Variants in ARID5A observed in about 807,000 individuals in gnomAD.
ARID5A encodes AT-rich interactive domain-containing protein 5A.
ARID5A carries 14 observed loss-of-function variants against 30.5 expected under a neutral mutation model. The ratio of observed to expected loss-of-function variants is 0.46; its 90% CI spans 0.30 to 0.72. The LOEUF (loss-of-function observed/expected upper bound fraction) is 0.72, where lower values mean the gene tolerates loss of function less well. Ranked by LOEUF, ARID5A falls within the 30% of genes least tolerant of loss-of-function variation. The pLI, the probability that ARID5A is intolerant of heterozygous loss-of-function variation, is 0.07. For synonymous variants in ARID5A, 338 were observed against 340.4 expected, an observed-to-expected ratio of 0.99 and a Z score of 0.08; for missense variants, 669 against 786.2, an observed-to-expected ratio of 0.85 and a Z score of 1.78.
chr2:96,552,040 G>C lies in ARID5A; in HGVS notation c.1512G>C (p.Met504Ile). 6.4e-7 allele frequency: 1 copy of C among 1,562,228 alleles called. No homozygotes were observed. The highest frequency in any genetic ancestry group is 1.2e-5 in the South Asian group (1 of 82,298). Residue 504 changes from methionine to isoleucine, a missense_variant, in exon 7 of 7, where the codon ATG becomes ATC. By Grantham distance (10) the Met-to-Ile change is conservative (BLOSUM62 1). Coordinates refer to ENST00000357485, the MANE Select transcript of ARID5A (RefSeq NM_212481.3). ...PVPPEAYRGT[M>I]LHCPLNFTGT... ...CCCCAGAGGCCTACAGGGGCACCATGCTGCACTGCCCGCTGAACTTCACTG... is the reference window on the plus strand; with the variant it reads ...CCCCAGAGGCCTACAGGGGCACCATCCTGCACTGCCCGCTGAACTTCACTG...
In ARID5A at chr2:96,552,384, G is replaced by A. The variant is rs1210692000; in HGVS notation, c.*71G>A. On this transcript the variant is annotated 3_prime_UTR_variant, in exon 7 of 7. Transcript: ENST00000357485. ...CAACAGGCAGGTACTGCTGCCAGGGGGCTCTGAACTAGTGCCTGCTACCCA... is the reference window on the plus strand; with the variant it reads ...CAACAGGCAGGTACTGCTGCCAGGGAGCTCTGAACTAGTGCCTGCTACCCA... The A allele has an allele frequency of 6.2e-7, 1 of 1,600,106 alleles. No individual in the cohort carries two copies. Among genetic ancestry groups the A allele is most frequent in the African/African-American group, 1.3e-5 (1 of 74,296 alleles).
In ARID5A at chr2:96,550,102, G is replaced by A; in HGVS notation, c.313-86G>A. 1 of 1,531,602 alleles carries A rather than the reference G, an allele frequency of 6.5e-7. No homozygotes were observed. Among genetic ancestry groups the A allele is most frequent in the South Asian group, 1.2e-5 (1 of 83,720 alleles). The allele number at this position is 1,531,602 out of a possible 1,614,324, so 94.9% of individuals were successfully genotyped here. ...AGCAGCTGCCAAACTGCAGTCCTTCGAGTCCCTGCGAGGGCGGCCGGAGCT... is the reference window on the plus strand; with the variant it reads ...AGCAGCTGCCAAACTGCAGTCCTTCAAGTCCCTGCGAGGGCGGCCGGAGCT... On this transcript the variant is annotated intron_variant, in intron 4 of 6. Transcript: ENST00000357485. This position sits in a 1 kb window ranked among gnomAD's most constrained non-coding sequence, Gnocchi z 6.6.
chr2:96,551,919 CCTTT>C lies in ARID5A; in HGVS notation c.1395_1398del (p.Phe465LeufsTer44). On this transcript the variant is annotated frameshift_variant, in exon 7 of 7. Coordinates refer to ENST00000357485, the MANE Select transcript of ARID5A (RefSeq NM_212481.3). LOFTEE classifies it high-confidence loss of function. ...GGGAAGAGACTGCGGGCCGTGTCTC[CCTTT>C]CTTAAGGAGGCGGATGCCAAGAAGT... 6.5e-7 allele frequency: 1 copy of C among 1,529,124 alleles called. No homozygotes were observed. The highest frequency in any genetic ancestry group is 8.8e-7 in the Non-Finnish European group (1 of 1,139,422). 94.7% of individuals were successfully genotyped at this position (1,529,124 alleles called of 1,614,324 possible). A position where few individuals can be genotyped will look rare whatever the true frequency, so the allele number is the denominator to read the frequency against.
rs2065812504 is a variant in ARID5A at position 96,539,748 on chromosome 2, GCTCT to G, written c.4+2921_4+2924del. Reference sequence around the variant, plus strand: ...CTCCCCCTCTCCCCGCTGCTGCCCAGCTCTCTGACCAGCCCCCTCCCATCCCTGA... The same window carrying G: ...CTCCCCCTCTCCCCGCTGCTGCCCAGCTGACCAGCCCCCTCCCATCCCTGA... On this transcript the variant is annotated intron_variant, in intron 1 of 6. Coordinates refer to ENST00000357485, the MANE Select transcript of ARID5A (RefSeq NM_212481.3). The surrounding 1 kb of genome is among the most constrained non-coding windows in gnomAD (Gnocchi z 4.7). Among the ~76,000 whole-genome samples, 1 of 136,152 alleles carries G rather than the reference GCTCT, an allele frequency of 7.3e-6. No individual in the cohort carries two copies. The highest frequency in any genetic ancestry group is 7.2e-5 in the Admixed American group (1 of 13,916). 89.3% of individuals were successfully genotyped at this position (136,152 alleles called of 152,430 possible).
chr2:96,547,483 A>G lies in ARID5A; in HGVS notation c.86A>G (p.Lys29Arg). The change falls in exon 2 of 7, where the codon AAG becomes AGG. Residue 29 changes from lysine to arginine, a missense_variant. Lys to Arg is a conservative substitution (Grantham distance 26). Transcript: ENST00000357485. ...DPPASPKPAG[K>R]QNGIQNPISL... The stretch of plus-strand genomic sequence containing the variant: ...CCTGCATCCCCCAAACCTGCTGGCA[A>G]GCAGAACGGAATCCAGAACCCCATC... The G allele has an allele frequency of 6.2e-7, 1 of 1,613,966 alleles. No homozygotes were observed. Among genetic ancestry groups the G allele is most frequent in the Non-Finnish European group, 8.5e-7 (1 of 1,179,952 alleles).
At chr2:96,540,785 A>T (rs953958122) in intron 1 of ARID5A, among the ~76,000 whole-genome samples, 3 of 152,178 alleles carry the variant, frequency 2.0e-5, no homozygotes, top group African/African-American at 7.2e-5. Context: ...AGTCTCTGTC[A>T]CCCAGGCTGG....
chr2:96,539,537 C>T lies in ARID5A; in HGVS notation c.4+2707C>T, dbSNP rs2065806967. Among the ~76,000 whole-genome samples the T allele has an allele frequency of 1.3e-5, 2 of 152,264 alleles. No homozygotes were observed. The stretch of plus-strand genomic sequence containing the variant: ...GGCCCTGGCCAGAGCTGGCCCCCTA[C>T]TCTCTCAGGTAACAGGTAGCAGTTT... On this transcript the variant is annotated intron_variant, in intron 1 of 6. Coordinates refer to ENST00000357485, the MANE Select transcript of ARID5A (RefSeq NM_212481.3). This position sits in a 1 kb window ranked among gnomAD's most constrained non-coding sequence, Gnocchi z 4.7.
At chr2:96,545,156 CTT>C (rs35156624) in intron 1 of ARID5A, among the ~76,000 whole-genome samples, 71 of 116,318 alleles carry the variant, frequency 6.1e-4, no homozygotes, top group African/African-American at 1.1e-3. Context: ...TTTTCTTTTT[CTT>C]TTTTTTTTTT....
rs1257599566 is a variant in ARID5A at position 96,550,475 on chromosome 2, C to T, written c.411-99C>T. 1 of 1,468,414 alleles carries T rather than the reference C, an allele frequency of 6.8e-7. No individual in the cohort carries two copies. The highest frequency in any genetic ancestry group is 9.0e-7 in the Non-Finnish European group (1 of 1,108,668). 91.0% of individuals were successfully genotyped at this position (1,468,414 alleles called of 1,614,324 possible). A position where few individuals can be genotyped will look rare whatever the true frequency, so the allele number is the denominator to read the frequency against. On this transcript the variant is annotated intron_variant, in intron 5 of 6. Transcript: ENST00000357485. This position sits in a 1 kb window ranked among gnomAD's most constrained non-coding sequence, Gnocchi z 6.6. ...AGCTTTGGGACCAGGAGAGGGCCTT[C>T]CTCGGCGCCGGCGGGGAAGGGGGCT... is the stretch of plus-strand genomic sequence containing the variant.
chr2:96,547,623 G>T, intron 2 of ARID5A, 106 bp downstream of exon 2: 1 of 1,041,880 alleles, frequency 9.6e-7, no homozygotes, highest in Non-Finnish European at 1.4e-6. Context: ...TCAGGAGGGA[G>T]ATATGTTCCT....
chr2:96,550,190 G>A lies in ARID5A; in HGVS notation c.315G>A (p.Val105=). The A allele has an allele frequency of 6.5e-7, 1 of 1,534,566 alleles. No homozygotes were observed. The highest frequency in any genetic ancestry group is 1.4e-5 in the African/African-American group (1 of 72,726). ...GCCCTCACGAGGTGCCCTTGCAGGT[G>A]ACCGGGCGCCGCCTCTGGAAGAACG... ...AVEKLGAYEL[V]TGRRLWKNVY... is the part of the protein sequence containing the mutation. The change falls in exon 5 of 7, where the codon GTG becomes GTA. Residue 105 remains valine (V), a splice_region_variant and synonymous_variant. Transcript: ENST00000357485. This position sits in a 1 kb window ranked among gnomAD's most constrained non-coding sequence, Gnocchi z 6.6.
intron 1 of ARID5A, among the ~76,000 whole-genome samples, chr2:96,544,344 A>T (rs1319286484): frequency 6.6e-6 from 1 of 152,268 alleles, no homozygotes; most frequent in Non-Finnish European, 1.5e-5. Context: ...GGACTTTCAT[A>T]GCTAAGGAGA....
rs576493538 is a variant in ARID5A, at chr2:96,538,933, C to T, written c.4+2103C>T. ...AAGGGGTGTGTGCCTCCAGCAGACC[C>T]TTAAACTTGAGAGCTGTGTGGCCTT... On this transcript the variant is annotated intron_variant, in intron 1 of 6. Coordinates refer to ENST00000357485, the MANE Select transcript of ARID5A (RefSeq NM_212481.3). 2.0e-5 allele frequency among the ~76,000 whole-genome samples: 3 copies of T among 152,268 alleles called. No homozygotes were observed. In the South Asian group the frequency reaches 6.2e-4, roughly 32 times the overall value.
chr2:96,552,396 G>C lies in ARID5A; in HGVS notation c.*83G>C. On this transcript the variant is annotated 3_prime_UTR_variant, in exon 7 of 7. Transcript: ENST00000357485. The stretch of plus-strand genomic sequence containing the variant: ...ACTGCTGCCAGGGGGCTCTGAACTA[G>C]TGCCTGCTACCCAGGACACCCGGGC... 1 of 1,590,010 alleles carries C rather than the reference G, an allele frequency of 6.3e-7. No homozygotes were observed. The highest frequency in any genetic ancestry group is 8.6e-7 in the Non-Finnish European group (1 of 1,169,572).
In ARID5A at chr2:96,550,651, A is replaced by C; in HGVS notation, c.488A>C (p.Tyr163Ser). The change falls in exon 6 of 7, where the codon TAC becomes TCC. Residue 163 changes from tyrosine to serine, a missense_variant. Tyr to Ser is a moderately radical substitution (Grantham distance 144). Coordinates refer to ENST00000357485, the MANE Select transcript of ARID5A (RefSeq NM_212481.3). The surrounding 1 kb of genome is among the most constrained non-coding windows in gnomAD (Gnocchi z 6.6). ...PLPTSKPRKQ[Y>S]KMAKENRGDD... ...CCCACCTCCAAGCCCAGGAAACAGT[A>C]CAAGATGGCTAAGGAGAACAGGGGG... 1 of 1,607,306 alleles carries C rather than the reference A, an allele frequency of 6.2e-7. No homozygotes were observed. Among genetic ancestry groups the C allele is most frequent in the Non-Finnish European group, 8.5e-7 (1 of 1,177,470 alleles).
Position 96,552,050 on chromosome 2 carries a change from C to T in ARID5A, c.1522C>T (p.Pro508Ser). Residue 508 changes from proline (P) to serine (S), a missense_variant, in exon 7 of 7, where the codon CCG becomes TCG. Physicochemically the swap from Pro to Ser is moderately conservative, Grantham distance 74. Transcript: ENST00000357485. ...CTACAGGGGCACCATGCTGCACTGC[C>T]CGCTGAACTTCACTGGCACCCCGGG... ...EAYRGTMLHC[P>S]LNFTGTPGPL... The T allele has an allele frequency of 6.4e-7, 1 of 1,570,390 alleles. No individual in the cohort carries two copies. Among genetic ancestry groups the T allele is most frequent in the Non-Finnish European group, 8.6e-7 (1 of 1,157,862 alleles).
At chr2:96,548,105 C>G (rs2065960939) in intron 2 of ARID5A, among the ~76,000 whole-genome samples, 1 of 152,176 alleles carries the variant, frequency 6.6e-6, no homozygotes, top group Non-Finnish European at 1.5e-5. Context: ...GAGGTCTGCA[C>G]AGACCAGCCC....
intron 1 of ARID5A, 37 bp downstream of exon 1, chr2:96,536,867 G>C (rs1026053327): frequency 2.4e-6 from 3 of 1,225,600 alleles, no homozygotes; most frequent in Middle Eastern, 3.1e-4. Context: ...ACAGGGGCTC[G>C]GCGGCCCTGC....
chr2:96,552,377 G>A lies in ARID5A; in HGVS notation c.*64G>A, dbSNP rs1377828189. ...GGGCCTACAACAGGCAGGTACTGCTGCCAGGGGGCTCTGAACTAGTGCCTG... is the reference window on the plus strand; with the variant it reads ...GGGCCTACAACAGGCAGGTACTGCTACCAGGGGGCTCTGAACTAGTGCCTG... On this transcript the variant is annotated 3_prime_UTR_variant, in exon 7 of 7. Transcript: ENST00000357485. 3.1e-6 allele frequency: 5 copies of A among 1,604,954 alleles called. No homozygotes were observed. In the Admixed American group the frequency reaches 5.1e-5, roughly 16 times the overall value.
Sources: gnomAD v4.1 joint callset for allele counts (sites outside exome capture counted in the v4.1 genomes callset) on GRCh38, gnomAD v4.1.1 for gene constraint, Gnocchi (gnomAD v3.1) non-coding constraint, MANE v1.5 for transcripts, NCBI Gene and HGNC (gene_info 2026-07-23, HGNC 2026-07-21) for gene names.